Variants in RGS6 observed in about 807,000 individuals in gnomAD.
RGS6 encodes the protein regulator of G protein signaling 6.
Under a neutral mutation model 78.5 loss-of-function variants are expected in RGS6, and 30 were observed. The ratio of observed to expected loss-of-function variants is 0.38; its 90% confidence interval spans 0.29 to 0.52. The LOEUF (loss-of-function observed/expected upper bound fraction) is 0.52, where lower values mean the gene tolerates loss of function less well. Among genes scored for constraint, RGS6 ranks in the 20% least tolerant of loss-of-function variants. The pLI is 0.85. For missense variants in RGS6, 495 were observed against 609.7 expected, an observed-to-expected ratio of 0.81 and a Z score of 1.98; for synonymous variants, 206 against 206.0, an observed-to-expected ratio of 1.00 and a Z score of 0.00.
chr14:72,179,067 A>G (rs1343404686), intron 2 of RGS6, among the ~76,000 whole-genome samples: 3 of 152,360 alleles, frequency 2.0e-5, no homozygotes, highest in South Asian at 4.1e-4. Flanking sequence ...CCAGAAAATC[A>G]TGAAACAGAA....
chr14:72,053,367 C>G (rs376412295), intron 2 of RGS6, among the ~76,000 whole-genome samples: 2 of 151,968 alleles, frequency 1.3e-5, no homozygotes, highest in East Asian at 2.0e-4. Flanking sequence ...ATCTGCCCGC[C>G]TCTGCCTCCC....
intron 1 of RGS6, among the ~76,000 whole-genome samples, chr14:71,956,408 G>T (rs75736325): frequency 6.6e-6 from 1 of 151,560 alleles, no homozygotes; most frequent in Non-Finnish European, 1.5e-5. Flanking sequence ...GTGTGTGTGT[G>T]TATATATATG....
At chr14:71,967,532 G>T (rs1403125095) in intron 2 of RGS6, among the ~76,000 whole-genome samples, 3 of 152,152 alleles carry the variant, frequency 2.0e-5, no homozygotes, top group African/African-American at 7.2e-5. Flanking sequence ...AAGTCCTTTT[G>T]TGTAATCAAT....
the RGS6 span, among the ~76,000 whole-genome samples, chr14:72,609,207 C>T: frequency 6.6e-5 from 10 of 152,088 alleles, no homozygotes; most frequent in Non-Finnish European, 1.0e-4. Context: ...CATGGGATAT[C>T]GAGGGGTCCC....
chr14:72,121,199 A>G lies in RGS6; in HGVS notation c.84+156324A>G, dbSNP rs539460562. 3.3e-5 allele frequency among the ~76,000 whole-genome samples: 5 copies of G among 152,262 alleles called. No homozygotes were observed. In the South Asian group the frequency reaches 1.0e-3, roughly 32 times the overall value. Reference sequence around the variant, plus strand: ...ACCGTGGCTGTGAAGTATTAACTTGACGACACTGTGCTCTTTGACTCAGCT... The same window carrying G: ...ACCGTGGCTGTGAAGTATTAACTTGGCGACACTGTGCTCTTTGACTCAGCT... On this transcript the variant is annotated intron_variant, in intron 2 of 17. Transcript: ENST00000553525.
chr14:71,984,255 G>A (rs2094584746), intron 2 of RGS6, among the ~76,000 whole-genome samples: 1 of 143,496 alleles, frequency 7.0e-6, no homozygotes, highest in Non-Finnish European at 1.5e-5. Flanking sequence ...TAGATTTGTT[G>A]TATTCTAAAG....
chr14:72,372,774 C>T (rs2083774630), intron 3 of RGS6, among the ~76,000 whole-genome samples: 1 of 152,206 alleles, frequency 6.6e-6, no homozygotes, highest in Admixed American at 6.5e-5. Context: ...AGGGTGTTAA[C>T]CTTCTCACTG....
At chr14:72,231,181 C>G (rs1013500980) in intron 2 of RGS6, among the ~76,000 whole-genome samples, 3 of 152,116 alleles carry the variant, frequency 2.0e-5, no homozygotes, top group Non-Finnish European at 4.4e-5. Flanking sequence ...GTTAGTTCCC[C>G]AAGCGTAAAG....
chr14:71,968,314 AGAT>A (rs2093632647), intron 2 of RGS6, among the ~76,000 whole-genome samples: 2 of 152,182 alleles, frequency 1.3e-5, no homozygotes, highest in Non-Finnish European at 2.9e-5. Context: ...CTGAGTTTCA[AGAT>A]GTTCTCAGGA....
At position 72,384,839 on chromosome 14, in the gene RGS6, C is replaced by T. The variant is rs183022002; in HGVS notation, c.184+32645C>T. ...AATCTTGTCTCACTGCAATCTCCGC[C>T]TCCCGGATTCAAGTAATTCTCCTGC... is the stretch of plus-strand genomic sequence containing the variant. On this transcript the variant is annotated intron_variant, in intron 3 of 17. Transcript: ENST00000553525. Among the ~76,000 whole-genome samples, 158 of 152,298 alleles carry T rather than the reference C, an allele frequency of 1.0e-3. 1 individual carries two copies. The highest frequency in any genetic ancestry group is 0.01 in the East Asian group (52 of 5,182).
At chr14:71,989,348 G>T (rs1396859865) in intron 2 of RGS6, among the ~76,000 whole-genome samples, 3 of 152,200 alleles carry the variant, frequency 2.0e-5, no homozygotes, top group African/African-American at 7.2e-5. Context: ...ACCACCTGGG[G>T]AGCTGCTTAC....
chr14:72,133,678 A>T (rs1396318973), intron 2 of RGS6, among the ~76,000 whole-genome samples: 1 of 152,020 alleles, frequency 6.6e-6, no homozygotes, highest in Admixed American at 6.6e-5. Context: ...ATCTGATTGG[A>T]TGGATATAAT....
At chr14:72,047,637 A>C (rs1285706263) in intron 2 of RGS6, among the ~76,000 whole-genome samples, 1 of 152,246 alleles carries the variant, frequency 6.6e-6, no homozygotes, top group Non-Finnish European at 1.5e-5. Flanking sequence ...AATACCTATC[A>C]GATATGGCAT....
intron 2 of RGS6, among the ~76,000 whole-genome samples, chr14:71,979,631 G>A (rs2094341871): frequency 6.6e-6 from 1 of 151,828 alleles, no homozygotes; most frequent in Non-Finnish European, 1.5e-5. Context: ...CTGAGAGATA[G>A]TTTGTTATAA....
chr14:72,049,778 A>C (rs1026845575), intron 2 of RGS6, among the ~76,000 whole-genome samples: 5 of 152,166 alleles, frequency 3.3e-5, no homozygotes, highest in African/African-American at 1.2e-4. Flanking sequence ...CCTTCTGTTG[A>C]CTCATCCCTG....
chr14:72,580,310 C>G, the RGS6 span, among the ~76,000 whole-genome samples: 1 of 144,248 alleles, frequency 6.9e-6, no homozygotes, highest in East Asian at 2.1e-4. Flanking sequence ...AAAAATGTCC[C>G]CCCCACCCCG....
At chr14:71,894,168 T>A in the RGS6 span, among the ~76,000 whole-genome samples, 1 of 152,124 alleles carries the variant, frequency 6.6e-6, no homozygotes, top group African/African-American at 2.4e-5. Context: ...CCATTTTGAG[T>A]GAGGGCTAGG....
intron 1 of RGS6, 44 bp downstream of exon 1, chr14:71,932,985 G>GA (rs1341147748): frequency 1.3e-5 from 2 of 152,284 alleles, no homozygotes; most frequent in African/African-American, 4.8e-5. Context: ...ACAAATGGGG[G>GA]AAAAACATGG....
intron 2 of RGS6, among the ~76,000 whole-genome samples, chr14:72,055,777 T>C (rs1043760887): frequency 1.3e-5 from 2 of 152,224 alleles, no homozygotes; most frequent in African/African-American, 4.8e-5. Flanking sequence ...TGTTAATTGT[T>C]CTTTTTCTCA....
Sources: allele counts gnomAD v4.1 joint callset (sites outside exome capture counted in the v4.1 genomes callset), GRCh38; gene constraint gnomAD v4.1.1; transcripts MANE v1.5; gene names NCBI Gene and HGNC (gene_info 2026-07-23, HGNC 2026-07-21).